GABRB1: variants seen among roughly 807,000 people sequenced by gnomAD.
GABRB1 encodes gamma-aminobutyric acid receptor subunit beta-1.
GABRB1 carries 17 observed loss-of-function variants against 51.6 expected under a neutral mutation model. The ratio of observed to expected loss-of-function variants is 0.33; its 90% CI spans 0.23 to 0.49. The LOEUF is 0.49. Among genes scored for constraint, GABRB1 ranks in the 20% least tolerant of loss-of-function variants. The pLI is 0.99. For synonymous variants in GABRB1, 247 were observed against 218.9 expected (o/e 1.13, Z -1.14); for missense variants, 410 against 600.6 (o/e 0.68, Z 3.32).
chr4:47,260,353 A>T (rs1215533158), intron 4 of GABRB1, among the ~76,000 whole-genome samples: 1 of 152,100 alleles, frequency 6.6e-6, no homozygotes, highest in Non-Finnish European at 1.5e-5. Context: ...TTGTGTGTGA[A>T]TTTGATCCTG....
chr4:47,227,167 C>G (rs958819972), intron 4 of GABRB1, among the ~76,000 whole-genome samples: 3 of 152,140 alleles, frequency 2.0e-5, no homozygotes, highest in Non-Finnish European at 4.4e-5. Context: ...TCTGGCTCTG[C>G]AGCTTCACTC....
At chr4:47,320,276 C>A in intron 5 of GABRB1, 67 bp downstream of exon 5, 1 of 1,011,830 alleles carries the variant, frequency 9.9e-7, no homozygotes, top group South Asian at 1.3e-5. Context: ...TTCAACTTCT[C>A]ACTGAGTTAA....
At chr4:47,181,554 C>G (rs1340102830) in intron 4 of GABRB1, among the ~76,000 whole-genome samples, 2 of 151,958 alleles carry the variant, frequency 1.3e-5, no homozygotes, top group African/African-American at 4.8e-5. Flanking sequence ...TACCTCTTTG[C>G]TCATGTAATT....
At chr4:47,330,691 T>C (rs1725446277) in intron 5 of GABRB1, among the ~76,000 whole-genome samples, 1 of 152,222 alleles carries the variant, frequency 6.6e-6, no homozygotes. Flanking sequence ...AGGTCTCTTT[T>C]AGCCTCAAAA....
At chr4:46,998,732 T>TAAAAAAAAA (rs1031492003) in intron 1 of GABRB1, among the ~76,000 whole-genome samples, 91 of 66,392 alleles carry the variant, frequency 1.4e-3, no homozygotes, top group African/African-American at 4.4e-3. Flanking sequence ...AGACTCTGTC[T>TAAAAAAAAA]AAAAAAAAAA....
At chr4:47,406,956 C>G (rs962697887) in intron 8 of GABRB1, 30 bp downstream of exon 8, 2 of 1,593,974 alleles carry the variant, frequency 1.3e-6, no homozygotes, top group Non-Finnish European at 1.7e-6. Flanking sequence ...TAACAATATT[C>G]TTGTTAAATT....
intron 3 of GABRB1, among the ~76,000 whole-genome samples, chr4:47,113,348 T>C (rs1285903887): frequency 7.0e-6 from 1 of 143,530 alleles, no homozygotes; most frequent in Non-Finnish European, 1.5e-5. Flanking sequence ...ATCGTGCCAC[T>C]GCACTCCAGC....
At position 47,143,744 on chromosome 4, in the gene GABRB1, G is replaced by A. The variant is rs139827135; in HGVS notation, c.241-17505G>A. 4.1e-3 allele frequency among the ~76,000 whole-genome samples: 626 copies of A among 151,868 alleles called. 2 individuals are homozygous for A. Among genetic ancestry groups the A allele is most frequent in the African/African-American group, 0.014 (583 of 41,456 alleles). ...AATATTCTGCTTAAACACTGATTGG[G>A]TGATTAATAATAATAATAGTAGAGC... is the stretch of plus-strand genomic sequence containing the variant. On this transcript the variant is annotated intron_variant, in intron 3 of 8. Coordinates refer to ENST00000295454, the MANE Select transcript of GABRB1 (RefSeq NM_000812.4).
At chr4:47,414,576 C>T (rs1728854727) in intron 8 of GABRB1, among the ~76,000 whole-genome samples, 1 of 152,186 alleles carries the variant, frequency 6.6e-6, no homozygotes, top group Admixed American at 6.5e-5. Flanking sequence ...TTCCCTTTAG[C>T]TTAGTGATTT....
At chr4:47,336,449 G>A (rs370083709) in intron 5 of GABRB1, among the ~76,000 whole-genome samples, 18 of 152,254 alleles carry the variant, frequency 1.2e-4, no homozygotes, top group South Asian at 2.1e-4. Context: ...AGGTGCCACC[G>A]TTCCCATTTT....
At chr4:47,011,785 T>C (rs910125256) in intron 1 of GABRB1, among the ~76,000 whole-genome samples, 9 of 152,194 alleles carry the variant, frequency 5.9e-5, no homozygotes, top group African/African-American at 1.9e-4. Context: ...TCTAATTTTA[T>C]GTTTGATGAA....
chr4:47,009,563 T>G (rs995844079), intron 1 of GABRB1, among the ~76,000 whole-genome samples: 2 of 152,186 alleles, frequency 1.3e-5, no homozygotes, highest in Non-Finnish European at 2.9e-5. Context: ...TAAGTCCAGT[T>G]GTAGAAACCA....
At chr4:47,354,451 C>G (rs1380310460) in intron 5 of GABRB1, among the ~76,000 whole-genome samples, 2 of 152,164 alleles carry the variant, frequency 1.3e-5, no homozygotes, top group African/African-American at 4.8e-5. Flanking sequence ...AACACACACT[C>G]TGTCAAATTC....
chr4:47,358,867 T>C (rs185129545), intron 5 of GABRB1, among the ~76,000 whole-genome samples: 3 of 152,232 alleles, frequency 2.0e-5, no homozygotes, highest in Admixed American at 1.3e-4. Flanking sequence ...TTGGGTGATA[T>C]ATCTATAGTT....
chr4:47,426,428 CAAAAAAAAAA>C lies in GABRB1; in HGVS notation c.*420_*429del, dbSNP rs59682924. On this transcript the variant is annotated 3_prime_UTR_variant, in exon 9 of 9. Transcript: ENST00000295454. ...GTAAACTATAACAAACTTATGCTGC[CAAAAAAAAAA>C]AAAAAAAAACATAAAAAAAAACACA... The C allele has an allele frequency of 1.2e-5, 1 of 84,836 alleles. No individual in the cohort carries two copies. Among genetic ancestry groups the C allele is most frequent in the African/African-American group, 3.6e-5 (1 of 27,700 alleles). The allele number at this position is 84,836 out of a possible 1,614,324, so 5.3% of individuals were successfully genotyped here.
intron 3 of GABRB1, among the ~76,000 whole-genome samples, chr4:47,112,697 A>G (rs1350492840): frequency 6.6e-6 from 1 of 152,128 alleles, no homozygotes; most frequent in African/African-American, 2.4e-5. Context: ...TACTCATTCA[A>G]TGAATCTTTA....
chr4:47,114,503 A>G (rs1715382339), intron 3 of GABRB1, among the ~76,000 whole-genome samples: 1 of 152,186 alleles, frequency 6.6e-6, no homozygotes, highest in African/African-American at 2.4e-5. Flanking sequence ...TGGGCATGCA[A>G]TATTAGGTAT....
At chr4:47,330,166 T>C (rs1018859385) in intron 5 of GABRB1, among the ~76,000 whole-genome samples, 8 of 152,182 alleles carry the variant, frequency 5.3e-5, no homozygotes, top group Admixed American at 3.9e-4. Flanking sequence ...AGTCAGTTTA[T>C]TTGTTCAACT....
intron 4 of GABRB1, among the ~76,000 whole-genome samples, chr4:47,233,389 G>A (rs979955424): frequency 5.9e-5 from 9 of 152,130 alleles, no homozygotes; most frequent in Admixed American, 2.0e-4. Context: ...AGAGGTTAAT[G>A]AGGGTCCAAG....
Sources: gnomAD v4.1 joint callset for allele counts (sites outside exome capture counted in the v4.1 genomes callset) on GRCh38, gnomAD v4.1.1 for gene constraint, MANE v1.5 for transcripts, NCBI Gene and HGNC (gene_info 2026-07-23, HGNC 2026-07-21) for gene names.